The following KCNH1 variants were observed in gnomAD, a reference collection of about 807,000 sequenced individuals.
KCNH1 encodes the protein potassium voltage-gated channel subfamily H member 1.
Under a neutral mutation model 69.2 loss-of-function variants are expected in KCNH1, and 27 were observed. That is an observed-to-expected ratio of 0.39 (90% CI 0.29 to 0.54). KCNH1 has a LOEUF of 0.54. Among genes scored for constraint, KCNH1 ranks in the 20% least tolerant of loss-of-function variants. The pLI, the probability that KCNH1 is intolerant of heterozygous loss-of-function variation, is 0.68. For synonymous variants in KCNH1, 456 were observed against 487.7 expected, an observed-to-expected ratio of 0.93 and a Z score of 0.86; for missense variants, 798 against 1,261.6, an observed-to-expected ratio of 0.63 and a Z score of 5.57.
intron 8 of KCNH1, among the ~76,000 whole-genome samples, chr1:210,802,145 T>C (rs1395544962): frequency 6.6e-6 from 1 of 152,218 alleles, no homozygotes; most frequent in Non-Finnish European, 1.5e-5. Flanking sequence ...CAAATATCTG[T>C]TCTTAATGCA....
intron 9 of KCNH1, among the ~76,000 whole-genome samples, chr1:210,795,393 C>A (rs1401742817): frequency 6.6e-6 from 1 of 152,090 alleles, no homozygotes; most frequent in African/African-American, 2.4e-5. Flanking sequence ...GAGATCCACC[C>A]GTCTCAGCCA....
At chr1:211,104,214 G>A (rs920667219) in intron 2 of KCNH1, among the ~76,000 whole-genome samples, 1 of 152,186 alleles carries the variant, frequency 6.6e-6, no homozygotes. Flanking sequence ...GCCATGGGAA[G>A]TAATTTAATC....
At chr1:210,974,382 T>C (rs1055246459) in intron 6 of KCNH1, among the ~76,000 whole-genome samples, 3 of 152,084 alleles carry the variant, frequency 2.0e-5, no homozygotes, top group African/African-American at 7.2e-5. Context: ...TCTCTTTTGG[T>C]AATGGTGAAT....
At chr1:210,831,448 T>A (rs1406654737) in intron 7 of KCNH1, among the ~76,000 whole-genome samples, 1 of 152,166 alleles carries the variant, frequency 6.6e-6, no homozygotes, top group East Asian at 1.9e-4. Flanking sequence ...TAAGATAGAC[T>A]GAGAAAGGGA....
intron 1 of KCNH1, among the ~76,000 whole-genome samples, chr1:211,129,235 T>C (rs913967496): frequency 2.6e-5 from 4 of 152,294 alleles, no homozygotes; most frequent in South Asian, 4.1e-4. Context: ...GATTTTAAAA[T>C]GTTTGTTTAC....
At chr1:211,017,560 G>A (rs765088129) in intron 6 of KCNH1, among the ~76,000 whole-genome samples, 17 of 152,152 alleles carry the variant, frequency 1.1e-4, no homozygotes, top group Non-Finnish European at 1.8e-4. Flanking sequence ...CATCTGGAAT[G>A]TCCACTAGGA....
intron 7 of KCNH1, among the ~76,000 whole-genome samples, chr1:210,894,292 T>C (rs1253911679): frequency 6.6e-6 from 1 of 152,210 alleles, no homozygotes; most frequent in Non-Finnish European, 1.5e-5. Flanking sequence ...CAGAGCATTA[T>C]TTAGTCTAGG....
At chr1:210,750,062 G>A (rs1326708147) in intron 10 of KCNH1, among the ~76,000 whole-genome samples, 2 of 152,128 alleles carry the variant, frequency 1.3e-5, no homozygotes, top group Non-Finnish European at 2.9e-5. Context: ...CTATCTTACT[G>A]CAGGCACGTG....
In KCNH1 at chr1:210,804,186, G is replaced by T. The variant is rs931502237; in HGVS notation, c.1463-20C>A. The T allele has an allele frequency of 5.0e-6, 8 of 1,587,966 alleles. No homozygotes were observed. Among genetic ancestry groups the T allele is most frequent in the Non-Finnish European group, 6.9e-6 (8 of 1,164,602 alleles). Reference sequence around the variant, plus strand: ...GAAGTGCTAGAGGTGAGGAGGAGGAGCAAAAGAAGAAATAACAAGTTAGTG... The same window carrying T: ...GAAGTGCTAGAGGTGAGGAGGAGGATCAAAAGAAGAAATAACAAGTTAGTG... On this transcript the variant is annotated intron_variant, in intron 7 of 10. Coordinates refer to ENST00000271751, the MANE Select transcript of KCNH1 (RefSeq NM_172362.3).
chr1:210,824,339 G>GAT (rs1437264459), intron 7 of KCNH1, among the ~76,000 whole-genome samples: 1 of 149,610 alleles, frequency 6.7e-6, no homozygotes, highest in East Asian at 2.0e-4. Context: ...TATGTCTACA[G>GAT]ATATATATCT....
At chr1:210,773,685 A>G (rs1574247582) in intron 10 of KCNH1, among the ~76,000 whole-genome samples, 1 of 152,274 alleles carries the variant, frequency 6.6e-6, no homozygotes, top group East Asian at 1.9e-4. Flanking sequence ...ACCCCTGACA[A>G]TTAATCCTTG....
chr1:210,920,132 G>A (rs1048877935), intron 6 of KCNH1, 63 bp from the exon 7 acceptor site: 86 of 1,422,132 alleles, frequency 6.0e-5, no homozygotes, highest in South Asian at 1.4e-4. Context: ...CGTCCCCTCC[G>A]CCCCACTTGG....
intron 6 of KCNH1, among the ~76,000 whole-genome samples, chr1:211,016,561 A>C (rs1009401187): frequency 6.6e-6 from 1 of 152,114 alleles, no homozygotes; most frequent in Admixed American, 6.6e-5. Flanking sequence ...CTAAGAAAAA[A>C]ATTTCTAAAA....
chr1:210,892,637 C>T (rs1362450886), intron 7 of KCNH1, among the ~76,000 whole-genome samples: 1 of 151,832 alleles, frequency 6.6e-6, no homozygotes, highest in African/African-American at 2.4e-5. Flanking sequence ...AAAATGGACC[C>T]AAAAAAATAT....
At chr1:210,891,070 G>T (rs1292398461) in intron 7 of KCNH1, among the ~76,000 whole-genome samples, 1 of 152,106 alleles carries the variant, frequency 6.6e-6, no homozygotes, top group East Asian at 1.9e-4. Flanking sequence ...AAATCATGCT[G>T]CTATAAAGTC....
chr1:210,770,562 C>T (rs1035897357), intron 10 of KCNH1, among the ~76,000 whole-genome samples: 5 of 152,196 alleles, frequency 3.3e-5, no homozygotes, highest in Non-Finnish European at 5.9e-5. Flanking sequence ...ATAGCATGGC[C>T]GGGTTAACCC....
In KCNH1 at chr1:211,107,259, G is replaced by A; in HGVS notation, c.198C>T (p.Thr66=). The part of the protein sequence containing the change: ...HRAEVMQKSS[T]CSFMYGELTD... ...ACAACTCCAAACATAAATACCTGCAGGTGCTGCTTTTTTGCATCACTTCTG... is the reference window on the plus strand; with the variant it reads ...ACAACTCCAAACATAAATACCTGCAAGTGCTGCTTTTTTGCATCACTTCTG... Residue 66 remains threonine, a synonymous_variant, in exon 2 of 11, where the codon ACC becomes ACT. Coordinates refer to ENST00000271751, the MANE Select transcript of KCNH1 (RefSeq NM_172362.3). 1 of 1,613,630 alleles carries A rather than the reference G, an allele frequency of 6.2e-7. No individual in the cohort carries two copies. Among genetic ancestry groups the A allele is most frequent in the Non-Finnish European group, 8.5e-7 (1 of 1,179,794 alleles).
chr1:210,934,832 G>A (rs1326316292), intron 6 of KCNH1, among the ~76,000 whole-genome samples: 6 of 151,658 alleles, frequency 4.0e-5, no homozygotes, highest in Non-Finnish European at 7.4e-5. Flanking sequence ...TACACTATTG[G>A]TGTACAAGAT....
Position 210,775,339 on chromosome 1 carries a change from T to C in KCNH1, c.2112+9A>G. 6.2e-7 allele frequency: 1 copy of C among 1,612,894 alleles called. No homozygotes were observed. Among genetic ancestry groups the C allele is most frequent in the East Asian group, 2.2e-5 (1 of 44,870 alleles). Reference sequence around the variant, plus strand: ...TCTTTGTGGAAAATAACTGAAACTTTTAGCTCACCCTCTTCCTCAAGTTGT... The same window carrying C: ...TCTTTGTGGAAAATAACTGAAACTTCTAGCTCACCCTCTTCCTCAAGTTGT... On this transcript the variant is annotated intron_variant, in intron 10 of 10. Transcript: ENST00000271751.
Sources: allele counts gnomAD v4.1 joint callset (sites outside exome capture counted in the v4.1 genomes callset), GRCh38; gene constraint gnomAD v4.1.1; transcripts MANE v1.5; gene names NCBI Gene and HGNC (gene_info 2026-07-23, HGNC 2026-07-21).